Variants in GPM6A observed in about 807,000 individuals in gnomAD.
GPM6A encodes the protein neuronal membrane glycoprotein M6-a.
A neutral mutation model predicts 32.1 loss-of-function variants in GPM6A; 7 were observed. The observed-to-expected ratio is 0.22, with a 90% confidence interval of 0.12 to 0.41. GPM6A has a LOEUF of 0.41. Ranked by LOEUF, GPM6A falls within the 10% of genes least tolerant of loss-of-function variation. GPM6A has a pLI of 1.00. For missense variants in GPM6A, 235 were observed against 347.2 expected (o/e 0.68, Z 2.57); for synonymous variants, 130 against 123.4 (o/e 1.05, Z -0.35).
intron 1 of GPM6A, among the ~76,000 whole-genome samples, chr4:175,867,641 A>G (rs1183384481): frequency 6.6e-6 from 1 of 152,176 alleles, no homozygotes. Context: ...ATTTCCATAG[A>G]TCTACTGATC....
intron 1 of GPM6A, among the ~76,000 whole-genome samples, chr4:175,890,299 A>G (rs1462242483): frequency 5.3e-5 from 8 of 152,170 alleles, no homozygotes; most frequent in Admixed American, 4.6e-4. Context: ...TCATTTTAGA[A>G]TAAACACCCT....
At chr4:175,795,562 C>A (rs2111288062) in intron 1 of GPM6A, among the ~76,000 whole-genome samples, 1 of 152,030 alleles carries the variant, frequency 6.6e-6, no homozygotes, top group East Asian at 1.9e-4. Flanking sequence ...ACAGTCTGCA[C>A]AACATACTGA....
intron 1 of GPM6A, among the ~76,000 whole-genome samples, chr4:175,807,175 C>T (rs1052433606): frequency 2.6e-5 from 4 of 152,196 alleles, no homozygotes; most frequent in African/African-American, 9.6e-5. Context: ...AAATATTATA[C>T]TACCAATACT....
intron 1 of GPM6A, among the ~76,000 whole-genome samples, chr4:175,703,491 T>G (rs1415742989): frequency 6.6e-6 from 1 of 152,164 alleles, no homozygotes; most frequent in Non-Finnish European, 1.5e-5. Context: ...ATTATTCATA[T>G]GAACTATTAC....
At chr4:175,974,743 C>T (rs1468863674) in intron 1 of GPM6A, among the ~76,000 whole-genome samples, 1 of 151,964 alleles carries the variant, frequency 6.6e-6, no homozygotes, top group African/African-American at 2.4e-5. Context: ...AGTGCAGTAG[C>T]ACAGTCTCGG....
chr4:175,651,086 G>A (rs553722999), intron 4 of GPM6A, among the ~76,000 whole-genome samples: 15 of 152,108 alleles, frequency 9.9e-5, no homozygotes, highest in Middle Eastern at 3.4e-3. Flanking sequence ...TTCAACCTGC[G>A]TTGCCCGTGT....
At chr4:175,871,431 C>T in intron 1 of GPM6A, among the ~76,000 whole-genome samples, 1 of 152,126 alleles carries the variant, frequency 6.6e-6, no homozygotes, top group East Asian at 1.9e-4. Flanking sequence ...GATTGCACCA[C>T]TGCACTCCAG....
intron 1 of GPM6A, among the ~76,000 whole-genome samples, chr4:175,966,424 A>AAT (rs944169506): frequency 4.0e-4 from 59 of 148,622 alleles, no homozygotes; most frequent in Admixed American, 1.4e-3. Context: ...ATAATAATAT[A>AAT]ATATATATAT....
At chr4:175,741,093 A>G (rs970148533) in intron 1 of GPM6A, among the ~76,000 whole-genome samples, 11 of 152,078 alleles carry the variant, frequency 7.2e-5, no homozygotes, top group Admixed American at 7.2e-4. Context: ...TGGTTCTCCA[A>G]CGTATTCACA....
At chr4:175,964,455 A>C (rs190550195) in intron 1 of GPM6A, among the ~76,000 whole-genome samples, 1 of 152,254 alleles carries the variant, frequency 6.6e-6, no homozygotes, top group East Asian at 1.9e-4. Flanking sequence ...AAACAACAGA[A>C]ATTTATTTTC....
chr4:175,670,520 A>ATGTAGTCAATAACATGTATT (rs1742996085), intron 3 of GPM6A, among the ~76,000 whole-genome samples: 2 of 152,228 alleles, frequency 1.3e-5, no homozygotes, highest in African/African-American at 4.8e-5. Context: ...GTCATGTTCA[A>ATGTAGTCAATAACATGTATT]TGTAGTCAAT....
At chr4:175,701,134 A>C (rs1744853050) in intron 2 of GPM6A, among the ~76,000 whole-genome samples, 1 of 152,202 alleles carries the variant, frequency 6.6e-6, no homozygotes, top group Admixed American at 6.5e-5. Flanking sequence ...ATGTAACAGC[A>C]ACAGTAAGAT....
At chr4:175,998,092 C>A (rs567594971) in intron 1 of GPM6A, among the ~76,000 whole-genome samples, 1 of 151,908 alleles carries the variant, frequency 6.6e-6, no homozygotes, top group South Asian at 2.1e-4. Context: ...TGATTAAATT[C>A]TCATTATGTG....
intron 2 of GPM6A, among the ~76,000 whole-genome samples, chr4:175,698,982 T>A (rs1461141198): frequency 6.6e-6 from 1 of 152,198 alleles, no homozygotes; most frequent in Non-Finnish European, 1.5e-5. Flanking sequence ...TGCTGATAGA[T>A]GTACATAAGC....
At chr4:175,680,380 T>C (rs143100904) in intron 2 of GPM6A, among the ~76,000 whole-genome samples, 23 of 152,162 alleles carry the variant, frequency 1.5e-4, no homozygotes, top group African/African-American at 5.6e-4. Context: ...TCTAAAATTA[T>C]TTCAGAATTA....
intron 1 of GPM6A, among the ~76,000 whole-genome samples, chr4:175,959,105 C>T (rs1367267381): frequency 3.3e-5 from 5 of 152,072 alleles, no homozygotes; most frequent in African/African-American, 7.2e-5. Context: ...AATTATTCTA[C>T]AAAATCAATT....
At chr4:175,761,876 C>A (rs529678707) in intron 1 of GPM6A, among the ~76,000 whole-genome samples, 2 of 151,818 alleles carry the variant, frequency 1.3e-5, no homozygotes, top group South Asian at 2.1e-4. Flanking sequence ...CTCACTCCAA[C>A]CTTTGCCTCC....
intron 1 of GPM6A, among the ~76,000 whole-genome samples, chr4:175,971,279 A>AG (rs200964259): frequency 0.019 from 2,878 of 152,002 alleles, 61 homozygotes; most frequent in African/African-American, 0.046. Context: ...TGAAAAAAAA[A>AG]AAAAAAAATT....
chr4:175,790,171 C>T (rs1289862412), intron 1 of GPM6A: 3 of 152,022 alleles, frequency 2.0e-5, no homozygotes, highest in African/African-American at 7.2e-5. Context: ...GCCCAATTTG[C>T]CATTATCTAC....
Sources: allele counts gnomAD v4.1 joint callset (sites outside exome capture counted in the v4.1 genomes callset), GRCh38; gene constraint gnomAD v4.1.1; transcripts MANE v1.5; gene names NCBI Gene and HGNC (gene_info 2026-07-23, HGNC 2026-07-21).